The following EXOC2 variants were observed in gnomAD, a reference collection of about 807,000 sequenced individuals.
EXOC2 encodes the protein exocyst complex component 2.
A neutral mutation model predicts 131.8 loss-of-function variants in EXOC2; 70 were observed. That is an observed-to-expected ratio of 0.53 (90% CI 0.44 to 0.65). The LOEUF (loss-of-function observed/expected upper bound fraction) is 0.65, where lower values mean the gene tolerates loss of function less well. Ranked by LOEUF, EXOC2 falls within the 30% of genes least tolerant of loss-of-function variation. The pLI is 0.00. For missense variants in EXOC2, 923 were observed against 1,108.6 expected (o/e 0.83, Z 2.38); for synonymous variants, 411 against 398.4 (o/e 1.03, Z -0.38).
At chr6:564,178 G>C in intron 15 of EXOC2, 24 bp from the exon 16 acceptor site, 1 of 1,611,800 alleles carries the variant, frequency 6.2e-7, no homozygotes, top group Non-Finnish European at 8.5e-7. Flanking sequence ...CATCCAAACA[G>C]AAGTGAGCAG....
At chr6:617,900 T>G in intron 5 of EXOC2, 65 bp from the exon 6 acceptor site, 1 of 1,563,068 alleles carries the variant, frequency 6.4e-7, no homozygotes, top group Non-Finnish European at 8.7e-7. Context: ...AAATAATTCC[T>G]TCAGTGGAGA....
intron 25 of EXOC2, among the ~76,000 whole-genome samples, chr6:496,294 G>C (rs1763735079): frequency 6.6e-6 from 1 of 152,228 alleles, no homozygotes; most frequent in South Asian, 2.1e-4. Context: ...CCCGGACATT[G>C]TGAATGTTAT....
chr6:566,732 T>C (rs1387229565), intron 13 of EXOC2, among the ~76,000 whole-genome samples: 1 of 152,172 alleles, frequency 6.6e-6, no homozygotes, highest in Non-Finnish European at 1.5e-5. Flanking sequence ...TTTGTTCCCG[T>C]GGCTTCAAAT....
At chr6:492,432 G>A (rs1763491815) in intron 25 of EXOC2, among the ~76,000 whole-genome samples, 2 of 152,160 alleles carry the variant, frequency 1.3e-5, no homozygotes, top group African/African-American at 4.8e-5. Context: ...GAAAACACAT[G>A]TCCACACAAG....
chr6:676,633 C>T (rs1415572679), intron 1 of EXOC2, among the ~76,000 whole-genome samples: 2 of 27,718 alleles, frequency 7.2e-5, no homozygotes, highest in Non-Finnish European at 1.7e-4. Context: ...CTCTGCGGTT[C>T]CCCATACTCT....
At chr6:692,973 A>C (rs908050808) in intron 1 of EXOC2, 46 bp downstream of exon 1, 1 of 152,728 alleles carries the variant, frequency 6.5e-6, no homozygotes, top group South Asian at 2.1e-4. Context: ...GCTGACGTCC[A>C]TGTCCCGCTG....
chr6:541,846 C>T (rs183391423), intron 22 of EXOC2, among the ~76,000 whole-genome samples: 3 of 152,260 alleles, frequency 2.0e-5, no homozygotes, highest in African/African-American at 7.2e-5. Context: ...ACTACCAGAG[C>T]GTTTTTCTAA....
At chr6:627,459 C>T (rs1761634813) in intron 4 of EXOC2, among the ~76,000 whole-genome samples, 1 of 152,090 alleles carries the variant, frequency 6.6e-6, no homozygotes, top group South Asian at 2.1e-4. Context: ...CCTAAAGGGC[C>T]CTCCCCGTGT....
chr6:589,689 G>A (rs1417556560), intron 11 of EXOC2, among the ~76,000 whole-genome samples: 1 of 152,216 alleles, frequency 6.6e-6, no homozygotes, highest in Non-Finnish European at 1.5e-5. Flanking sequence ...CAGCACCCTG[G>A]TGACCAGCCC....
intron 13 of EXOC2, among the ~76,000 whole-genome samples, chr6:567,159 C>T (rs572956180): frequency 4.6e-4 from 70 of 152,360 alleles, no homozygotes; most frequent in African/African-American, 1.6e-3. Flanking sequence ...GAAAGCTGGT[C>T]TGTTCCCCGC....
intron 10 of EXOC2, among the ~76,000 whole-genome samples, chr6:593,975 A>AT (rs1759679836): frequency 6.6e-6 from 1 of 152,262 alleles, no homozygotes; most frequent in Non-Finnish European, 1.5e-5. Context: ...GGGGAGCCGG[A>AT]TATCCAGGCA....
chr6:564,121 A>G lies in EXOC2; in HGVS notation c.1701T>C (p.Ile567=). 1.2e-6 allele frequency: 2 copies of G among 1,614,156 alleles called. No homozygotes were observed. The highest frequency in any genetic ancestry group is 1.7e-6 in the Non-Finnish European group (2 of 1,180,012). ...GGATAGTCTGTAACAGGTCATTAGG[A>G]ATTTCAAGGGCAGTCAACGATTCAT... ...LTHESLTALE[I]PNDLLQTIQD... The change falls in exon 16 of 28, where the codon ATT becomes ATC. Residue 567 remains isoleucine, a synonymous_variant. Transcript: ENST00000230449.
intron 1 of EXOC2, among the ~76,000 whole-genome samples, chr6:672,582 G>A (rs1257409568): frequency 6.6e-6 from 1 of 152,202 alleles, no homozygotes; most frequent in African/African-American, 2.4e-5. Flanking sequence ...CTAAGAAGTT[G>A]GGATGCTCTG....
intron 6 of EXOC2, among the ~76,000 whole-genome samples, chr6:615,449 A>G (rs1019489819): frequency 1.3e-5 from 2 of 152,228 alleles, no homozygotes; most frequent in Admixed American, 6.5e-5. Context: ...AAAATAAGTT[A>G]AATGACACCA....
intron 1 of EXOC2, among the ~76,000 whole-genome samples, chr6:643,655 G>A (rs1458721988): frequency 2.0e-5 from 3 of 151,686 alleles, no homozygotes; most frequent in African/African-American, 7.3e-5. Context: ...TCAAAGTAAA[G>A]GGGAAGGAGG....
intron 13 of EXOC2, among the ~76,000 whole-genome samples, chr6:567,121 C>T (rs977808086): frequency 1.3e-5 from 2 of 152,230 alleles, no homozygotes; most frequent in Non-Finnish European, 2.9e-5. Flanking sequence ...ATTCTGAACA[C>T]ACCACCAAGG....
chr6:639,189 G>A (rs901012773), intron 1 of EXOC2, among the ~76,000 whole-genome samples: 11 of 152,186 alleles, frequency 7.2e-5, no homozygotes, highest in African/African-American at 2.7e-4. Flanking sequence ...AGAGGTGTGG[G>A]AAACTTGGGG....
chr6:692,341 T>G (rs1193296348), intron 1 of EXOC2, among the ~76,000 whole-genome samples: 1 of 152,254 alleles, frequency 6.6e-6, no homozygotes, highest in Non-Finnish European at 1.5e-5. Context: ...CTTAACAATC[T>G]TGGGATACAG....
At chr6:560,832 C>A (rs1363071356) in intron 17 of EXOC2, among the ~76,000 whole-genome samples, 1 of 151,798 alleles carries the variant, frequency 6.6e-6, no homozygotes, top group Non-Finnish European at 1.5e-5. Flanking sequence ...CTCAGCCTCC[C>A]AGGTAGCTGG....
Sources: allele counts gnomAD v4.1 joint callset (sites outside exome capture counted in the v4.1 genomes callset), GRCh38; gene constraint gnomAD v4.1.1; transcripts MANE v1.5; gene names NCBI Gene and HGNC (gene_info 2026-07-23, HGNC 2026-07-21).